Variants in MACROD2 observed in about 807,000 individuals in gnomAD.
MACROD2 encodes ADP-ribose glycohydrolase MACROD2.
Under a neutral mutation model 70.4 loss-of-function variants are expected in MACROD2, and 36 were observed. The ratio of observed to expected loss-of-function variants is 0.51; its 90% CI spans 0.39 to 0.68. The LOEUF is 0.68. MACROD2 is among the 30% of genes least tolerant of loss of function. The probability of loss-of-function intolerance (pLI) is 0.00; values close to 1 mark genes in which losing one functional copy is unlikely to be tolerated. For missense variants in MACROD2, 496 were observed against 538.4 expected, an observed-to-expected ratio of 0.92 and a Z score of 0.78; for synonymous variants, 172 against 178.8, an observed-to-expected ratio of 0.96 and a Z score of 0.30.
Position 15,876,372 on chromosome 20 carries a change from T to A in MACROD2, c.728-9392T>A, listed in dbSNP as rs570805044. 2.2e-3 allele frequency among the ~76,000 whole-genome samples: 335 copies of A among 152,204 alleles called. 1 individual carries two copies. The highest frequency in any genetic ancestry group is 7.8e-3 in the African/African-American group (323 of 41,518). On this transcript the variant is annotated intron_variant, in intron 9 of 17. Coordinates refer to ENST00000684519, the MANE Select transcript of MACROD2 (RefSeq NM_001351661.2). ...AGTGAGAATATGCAGTGTTTGTTTTTTTGTCCTTGCGATAGTTTGCTGAGA... is the reference window on the plus strand; with the variant it reads ...AGTGAGAATATGCAGTGTTTGTTTTATTGTCCTTGCGATAGTTTGCTGAGA...
intron 4 of MACROD2, among the ~76,000 whole-genome samples, chr20:14,663,728 G>T (rs1170230651): frequency 6.6e-6 from 1 of 151,920 alleles, no homozygotes; most frequent in Non-Finnish European, 1.5e-5. Context: ...AATAAATTAT[G>T]TAAAGGGATC....
chr20:14,241,486 C>A (rs181842602), intron 3 of MACROD2, among the ~76,000 whole-genome samples: 1 of 151,702 alleles, frequency 6.6e-6, no homozygotes, highest in African/African-American at 2.4e-5. Flanking sequence ...CATGGAAACA[C>A]GTACATTGTG....
chr20:14,231,784 C>T (rs1275616067), intron 3 of MACROD2, among the ~76,000 whole-genome samples: 3 of 152,366 alleles, frequency 2.0e-5, no homozygotes, highest in African/African-American at 7.2e-5. Flanking sequence ...TGTTTCTCCA[C>T]ATCCTCTCCA....
chr20:15,461,006 A>ATATATATATATTATTTTT, intron 7 of MACROD2, among the ~76,000 whole-genome samples: 1 of 66,992 alleles, frequency 1.5e-5, no homozygotes. Flanking sequence ...ATATATATAT[A>ATATATATATATTATTTTT]TTTTTTTTTA....
chr20:15,793,653 T>A (rs1031223237), intron 8 of MACROD2, among the ~76,000 whole-genome samples: 1 of 151,696 alleles, frequency 6.6e-6, no homozygotes, highest in Non-Finnish European at 1.5e-5. Flanking sequence ...TCCTTAAGAA[T>A]AGACTTAGTG....
chr20:15,725,228 G>T (rs1164766051), intron 8 of MACROD2, among the ~76,000 whole-genome samples: 1 of 152,178 alleles, frequency 6.6e-6, no homozygotes. Context: ...CAAATAATAT[G>T]AAATATCTCT....
Position 15,747,050 on chromosome 20 carries a change from G to A in MACROD2, c.646-115695G>A, listed in dbSNP as rs151094188. On this transcript the variant is annotated intron_variant, in intron 8 of 17. Transcript: ENST00000684519. ...AAGTTCTAAACAAAAAGCTCCTTCTGTTTTATGGACCATAAACAGGAGAAT... is the reference window on the plus strand; with the variant it reads ...AAGTTCTAAACAAAAAGCTCCTTCTATTTTATGGACCATAAACAGGAGAAT... Among the ~76,000 whole-genome samples, 495 of 152,184 alleles carry A rather than the reference G, an allele frequency of 3.3e-3. 1 individual carries two copies. The highest frequency in any genetic ancestry group is 0.023 in the East Asian group (119 of 5,180).
intron 4 of MACROD2, among the ~76,000 whole-genome samples, chr20:14,501,663 G>C (rs2084916335): frequency 2.0e-5 from 3 of 151,834 alleles, no homozygotes; most frequent in Non-Finnish European, 1.5e-5. Flanking sequence ...AAAAATAGAG[G>C]TTTAGTCATT....
At chr20:14,158,377 A>T (rs2055134801) in intron 3 of MACROD2, among the ~76,000 whole-genome samples, 1 of 151,984 alleles carries the variant, frequency 6.6e-6, no homozygotes, top group South Asian at 2.1e-4. Flanking sequence ...TCTCCCATTC[A>T]TCTGCTGTCT....
intron 3 of MACROD2, among the ~76,000 whole-genome samples, chr20:14,160,959 C>A (rs941192101): frequency 6.6e-6 from 1 of 151,994 alleles, no homozygotes; most frequent in Non-Finnish European, 1.5e-5. Context: ...ACATTGTACC[C>A]AATAGGTAAT....
At chr20:15,317,482 A>AATCTATCTATCTATCTATCT (rs57469228) in intron 6 of MACROD2, among the ~76,000 whole-genome samples, 1 of 145,758 alleles carries the variant, frequency 6.9e-6, no homozygotes, top group Non-Finnish European at 1.5e-5. Context: ...CCATCCATCT[A>AATCTATCTATCTATCTATCT]ATCTATCTAT....
chr20:14,242,011 T>C (rs909211899), intron 3 of MACROD2, among the ~76,000 whole-genome samples: 1 of 152,132 alleles, frequency 6.6e-6, no homozygotes, highest in Non-Finnish European at 1.5e-5. Context: ...TCATTTGTAT[T>C]ATATTAAAAT....
At chr20:15,981,673 G>T (rs1309795632) in intron 13 of MACROD2, among the ~76,000 whole-genome samples, 3 of 152,162 alleles carry the variant, frequency 2.0e-5, no homozygotes, top group Non-Finnish European at 4.4e-5. Context: ...ATCCTAGAAA[G>T]TCTGAAATAC....
chr20:14,068,449 C>T (rs889832214), intron 2 of MACROD2, among the ~76,000 whole-genome samples: 2 of 152,212 alleles, frequency 1.3e-5, no homozygotes, highest in Non-Finnish European at 1.5e-5. Flanking sequence ...AATACGAACT[C>T]CTCATTCTAG....
chr20:14,326,472 A>G lies in MACROD2; in HGVS notation c.272-167007A>G. ...CAAACAGTTCTGCATTGAGATCCTTAATAGCCATCCCACGAACCTTTTCTG... is the reference window on the plus strand; with the variant it reads ...CAAACAGTTCTGCATTGAGATCCTTGATAGCCATCCCACGAACCTTTTCTG... On this transcript the variant is annotated intron_variant, in intron 3 of 17. Transcript: ENST00000684519. The surrounding 1 kb of genome is among the most constrained non-coding windows in gnomAD (Gnocchi z 5.5). 3 of 1,613,838 alleles carry G rather than the reference A, an allele frequency of 1.9e-6. No homozygotes were observed. Among genetic ancestry groups the G allele is most frequent in the Non-Finnish European group, 2.5e-6 (3 of 1,179,846 alleles).
chr20:15,304,552 T>A (rs1161735964), intron 6 of MACROD2, among the ~76,000 whole-genome samples: 1 of 152,092 alleles, frequency 6.6e-6, no homozygotes, highest in Non-Finnish European at 1.5e-5. Flanking sequence ...CCCCTCCCCA[T>A]CTCTTTCTTC....
intron 10 of MACROD2, among the ~76,000 whole-genome samples, chr20:15,915,151 G>A (rs2065295412): frequency 6.6e-6 from 1 of 152,070 alleles, no homozygotes; most frequent in Admixed American, 6.6e-5. Flanking sequence ...CATGATTGAT[G>A]AAATCATTGG....
chr20:14,611,069 T>C (rs1363676710), intron 4 of MACROD2, among the ~76,000 whole-genome samples: 2 of 152,134 alleles, frequency 1.3e-5, no homozygotes, highest in Non-Finnish European at 1.5e-5. Flanking sequence ...AATACTTGCA[T>C]TTAGATTTTT....
At position 14,730,979 on chromosome 20, in the gene MACROD2, GCACACACACACACACA is replaced by G. The variant is rs11474396; in HGVS notation, c.418+46035_418+46050del. 7.9e-5 allele frequency among the ~76,000 whole-genome samples: 11 copies of G among 138,934 alleles called. No individual in the cohort carries two copies. In the East Asian group the frequency reaches 8.7e-4, roughly 11 times the overall value. 91.1% of individuals were successfully genotyped at this position (138,934 alleles called of 152,430 possible). A position where few individuals can be genotyped will look rare whatever the true frequency, so the allele number is the denominator to read the frequency against. ...GCTGTGTATTGCCCAAACAGGTTTA[GCACACACACACACACA>G]CACACACACACACATGCACACACAC... On this transcript the variant is annotated intron_variant, in intron 5 of 17. Transcript: ENST00000684519.
Sources: gnomAD v4.1 joint callset for allele counts (sites outside exome capture counted in the v4.1 genomes callset) on GRCh38, gnomAD v4.1.1 for gene constraint, Gnocchi (gnomAD v3.1) non-coding constraint, MANE v1.5 for transcripts, NCBI Gene and HGNC (gene_info 2026-07-23, HGNC 2026-07-21) for gene names.